The following POLG variants were observed in gnomAD, a reference collection of about 807,000 sequenced individuals.
POLG encodes the protein DNA polymerase subunit gamma-1.
In POLG, 110 loss-of-function variants were observed where a neutral mutation model predicts 155.4. The observed-to-expected ratio is 0.71, with a 90% CI of 0.61 to 0.83. POLG has a LOEUF of 0.83. Ranked by LOEUF, POLG falls within the 40% of genes least tolerant of loss-of-function variation. The pLI, the probability that POLG is intolerant of heterozygous loss-of-function variation, is 0.00. For missense variants in POLG, 1,685 were observed against 1,627.5 expected (o/e 1.04, Z -0.61); for synonymous variants, 701 against 631.5 (o/e 1.11, Z -1.65).
chr15:89,325,304 G>GTGTGTGTT (rs2055499303), intron 10 of POLG, 146 bp downstream of exon 10: 1 of 685,270 alleles, frequency 1.5e-6, no homozygotes, highest in Non-Finnish European at 2.6e-6. Flanking sequence ...GAGAGGGTGT[G>GTGTGTGTT]TGTGTGTGTG....
At chr15:89,325,199 T>TGAGTGAGTGAGTGAGTGAGA (rs1567189787) in intron 10 of POLG, among the ~76,000 whole-genome samples, 1 of 45,862 alleles carries the variant, frequency 2.2e-5, no homozygotes. Context: ...AGTGAGAGAG[T>TGAGTGAGTGAGTGAGTGAGA]GAGTGAGAGA....
chr15:89,326,779 ACT>A (rs1465721713), intron 8 of POLG, 41 bp from the exon 9 acceptor site: 30 of 1,613,420 alleles, frequency 1.9e-5, no homozygotes, highest in African/African-American at 4.0e-5. Flanking sequence ...AGGAGAAGGA[ACT>A]CTCAATAAGA....
intron 17 of POLG, 24 bp downstream of exon 17, chr15:89,321,101 G>A: frequency 1.9e-6 from 3 of 1,614,180 alleles, no homozygotes; most frequent in Non-Finnish European, 1.7e-6. Flanking sequence ...GGGCTGGGCT[G>A]CCCCAACCCC....
chr15:89,325,115 T>TGAGAGAGA (rs1567189411), intron 10 of POLG, among the ~76,000 whole-genome samples: 1 of 29,260 alleles, frequency 3.4e-5, no homozygotes, highest in African/African-American at 2.6e-4. Flanking sequence ...TGAGAGAGAG[T>TGAGAGAGA]GAGTGAGTGA....
At chr15:89,329,133 G>A in intron 3 of POLG, 23 bp from the exon 4 acceptor site, 1 of 1,599,790 alleles carries the variant, frequency 6.3e-7, no homozygotes, top group Admixed American at 1.7e-5. Context: ...AGGAGAAAAG[G>A]GAAGGGAAGG....
At chr15:89,320,302 G>A (rs1402993910) in intron 18 of POLG, among the ~76,000 whole-genome samples, 1 of 152,148 alleles carries the variant, frequency 6.6e-6, no homozygotes, top group Non-Finnish European at 1.5e-5. Context: ...ACGATCAGAG[G>A]AAACAAATTG....
chr15:89,324,462 C>T (rs1363506731), intron 10 of POLG, among the ~76,000 whole-genome samples: 3 of 152,244 alleles, frequency 2.0e-5, no homozygotes, highest in Admixed American at 6.5e-5. Context: ...ATCCAAGTTC[C>T]TCTTACACTA....
intron 5 of POLG, 49 bp from the exon 6 acceptor site, chr15:89,328,584 C>T (rs756562363): frequency 1.2e-6 from 2 of 1,606,588 alleles, no homozygotes; most frequent in Non-Finnish European, 1.7e-6. Flanking sequence ...ATCCCATTAC[C>T]ACCACCAGCT....
At chr15:89,332,986 C>A in intron 2 of POLG, 110 bp downstream of exon 2, 1 of 1,416,196 alleles carries the variant, frequency 7.1e-7, no homozygotes. Context: ...CATCAGCGCT[C>A]CCTACGTGAG....
intron 14 of POLG, 90 bp downstream of exon 14, chr15:89,322,652 G>A (rs2055413147): frequency 1.4e-6 from 2 of 1,399,076 alleles, no homozygotes; most frequent in Admixed American, 1.7e-5. Flanking sequence ...TAGTCAGGCT[G>A]GCCCTCTGTG....
In POLG at chr15:89,316,328, C is replaced by G; in HGVS notation, c.*423G>C. ...GATGAGAAGATAGAGTCTTTTTTTT[C>G]CTTCTTTTTATTTCCACTGCCTTGG... On this transcript the variant is annotated 3_prime_UTR_variant, in exon 23 of 23. Coordinates refer to ENST00000268124, the MANE Select transcript of POLG (RefSeq NM_002693.3). The G allele has an allele frequency of 8.5e-6, 12 of 1,417,068 alleles. No homozygotes were observed. Among genetic ancestry groups the G allele is most frequent in the Middle Eastern group, 1.8e-4 (1 of 5,580 alleles). The allele number at this position is 1,417,068 out of a possible 1,614,324, so 87.8% of individuals were successfully genotyped here.
chr15:89,327,020 G>C lies in POLG; in HGVS notation c.1477C>G (p.Gln493Glu), dbSNP rs1404711461. The C allele has an allele frequency of 1.2e-6, 2 of 1,614,132 alleles. No homozygotes were observed. The highest frequency in any genetic ancestry group is 1.7e-5 in the Admixed American group (1 of 60,016). Residue 493 changes from glutamine (Q) to glutamate (E), a missense_variant, in exon 8 of 23, where the codon CAA (glutamine) becomes GAA (glutamate). This residue lies in a region of POLG where 1,210 missense variants were observed against 1,167.1 expected (regional missense o/e 1.04). Coordinates refer to ENST00000268124, the MANE Select transcript of POLG (RefSeq NM_002693.3). ...PWLWDLEWDL[Q>E]EFKQKKAKKV... ...TTAGCTTTCTTCTGCTTAAATTCTT[G>C]CAGGTCCCACTCCAGGTCCCAGAGC...
rs1411378832 is a variant in POLG at position 89,317,025 on chromosome 15, A to AAAT, written c.3644-201_3644-199dup. 6.6e-6 allele frequency: 4 copies of AAAT among 606,544 alleles called. No homozygotes were observed. The African/African-American group carries it at 7.4e-5, about 11-fold the overall frequency. The allele number at this position is 606,544 out of a possible 1,614,324, so 37.6% of individuals were successfully genotyped here. Reference sequence around the variant, plus strand: ...GTGTCTTAGATATATTTTAAATAGAAAATAAGCTTTCTGATTTACTTGTTT... The same window carrying AAAT: ...GTGTCTTAGATATATTTTAAATAGAAAATAATAAGCTTTCTGATTTACTTGTTT... On this transcript the variant is annotated intron_variant, in intron 22 of 22. Coordinates refer to ENST00000268124, the MANE Select transcript of POLG (RefSeq NM_002693.3).
In POLG at chr15:89,325,101, A is replaced by AGAGAGAGTGAGTGAGT. The variant is rs2055467751; in HGVS notation, c.1949+348_1949+349insACTCACTCACTCTCTC. On this transcript the variant is annotated intron_variant, in intron 10 of 22. Coordinates refer to ENST00000268124, the MANE Select transcript of POLG (RefSeq NM_002693.3). The stretch of plus-strand genomic sequence containing the variant: ...GTGAGTGAGAGAGTGAGTGAGTGAG[A>AGAGAGAGTGAGTGAGT]GAGTGAGAGAGAGTGAGTGAGTGAG... Among the ~76,000 whole-genome samples, 4 of 71,084 alleles carry AGAGAGAGTGAGTGAGT rather than the reference A, an allele frequency of 5.6e-5. No homozygotes were observed. In the South Asian group the frequency reaches 1.9e-3, roughly 34 times the overall value. The allele number at this position is 71,084 out of a possible 152,430, so 46.6% of individuals were successfully genotyped here.
At position 89,333,166 on chromosome 15, in the gene POLG, A is replaced by C. The variant is rs1310112175; in HGVS notation, c.589T>G (p.Phe197Val). The C allele has an allele frequency of 6.4e-7, 1 of 1,553,314 alleles. No homozygotes were observed. Among genetic ancestry groups the C allele is most frequent in the South Asian group, 1.2e-5 (1 of 83,240 alleles). ...VAIPEERALVFDVEVCLAEGT... is the reference protein window; with the variant it reads ...VAIPEERALVVDVEVCLAEGT... ...TCTGCCAAGCAGACCTCCACGTCGA[A>C]CACCAGGGCCCGCTCCTCGGGGATG... The change falls in exon 2 of 23, where the codon TTC (phenylalanine) becomes GTC (valine). Residue 197 changes from phenylalanine to valine, a missense_variant. Transcript: ENST00000268124.
rs1254460454 is a variant in POLG, at chr15:89,319,054, C to A, written c.3150G>T (p.Lys1050Asn). The A allele has an allele frequency of 6.2e-7, 1 of 1,614,164 alleles. No homozygotes were observed. The highest frequency in any genetic ancestry group is 8.5e-7 in the Non-Finnish European group (1 of 1,180,000). ...KWEVVAERAW[K>N]GGTESEMFNK... ...TGAACATTTCTGACTCTGTGCCCCCCTTCCATGCCCGTTCAGCAACCACCT... is the reference window on the plus strand; with the variant it reads ...TGAACATTTCTGACTCTGTGCCCCCATTCCATGCCCGTTCAGCAACCACCT... The change falls in exon 20 of 23, where the codon AAG becomes AAT. Residue 1050 changes from lysine (K) to asparagine (N), a missense_variant. By Grantham distance (94) the Lys-to-Asn change is moderately conservative. Transcript: ENST00000268124.
At chr15:89,322,135 C>T in intron 14 of POLG, 120 bp from the exon 15 acceptor site, 1 of 939,924 alleles carries the variant, frequency 1.1e-6, no homozygotes. Context: ...CCCAGCCTCA[C>T]TAACTGGACT....
chr15:89,325,581 G>A lies in POLG; in HGVS notation c.1818C>T (p.Thr606=), dbSNP rs771410894. 19 of 1,613,680 alleles carry A rather than the reference G, an allele frequency of 1.2e-5. No individual in the cohort carries two copies. Among genetic ancestry groups the A allele is most frequent in the South Asian group, 8.8e-5 (8 of 91,086 alleles). The change falls in exon 10 of 23, where the codon ACC becomes ACT. Residue 606 remains threonine (T), a synonymous_variant. Coordinates refer to ENST00000268124, the MANE Select transcript of POLG (RefSeq NM_002693.3). ...AGTAGTGCAGAGGGAAGCCATCCCA[G>A]GTAAGTGCCATGAGTTTAGGTGTGA... ...MRVTPKLMAL[T]WDGFPLHYSE...
chr15:89,320,780 G>C lies in POLG; in HGVS notation c.2967C>G (p.Thr989=). 6.2e-7 allele frequency: 1 copy of C among 1,613,400 alleles called. No individual in the cohort carries two copies. Among genetic ancestry groups the C allele is most frequent in the Non-Finnish European group, 8.5e-7 (1 of 1,180,016 alleles). The change falls in exon 18 of 23, where the codon ACC becomes ACG. Residue 989 remains threonine, a synonymous_variant. Coordinates refer to ENST00000268124, the MANE Select transcript of POLG (RefSeq NM_002693.3). ...AEKAQQMYAA[T]KGLRWYRLSD... is the part of the protein sequence containing the mutation. ...GGGACCCTCACCAGCGGAGGCCCTT[G>C]GTGGCAGCGTACATCTGCTGGGCCT...
Sources: gnomAD v4.1 joint callset for allele counts (sites outside exome capture counted in the v4.1 genomes callset) on GRCh38, gnomAD v4.1.1 for gene constraint, gnomAD v4.1.1 regional missense constraint, MANE v1.5 for transcripts, NCBI Gene and HGNC (gene_info 2026-07-23, HGNC 2026-07-21) for gene names.